MYOM1: variants seen among roughly 807,000 people sequenced by gnomAD.
The protein encoded by MYOM1 is myomesin 1.
In MYOM1, 164 loss-of-function variants were observed where a neutral mutation model predicts 205.3. The observed-to-expected ratio is 0.80, with a 90% CI of 0.70 to 0.91. The LOEUF (loss-of-function observed/expected upper bound fraction) is 0.91, where lower values mean the gene tolerates loss of function less well. MYOM1 is among the 40% of genes least tolerant of loss of function. The probability of loss-of-function intolerance (pLI) is 0.00; values close to 1 mark genes in which losing one functional copy is unlikely to be tolerated. For missense variants in MYOM1, 2,011 were observed against 2,127.3 expected (o/e 0.95, Z 1.08); for synonymous variants, 772 against 789.4 (o/e 0.98, Z 0.37).
intron 20 of MYOM1, among the ~76,000 whole-genome samples, chr18:3,117,896 C>T (rs1412731340): frequency 1.3e-5 from 2 of 152,124 alleles, no homozygotes; most frequent in Non-Finnish European, 1.5e-5. Context: ...AATATTAATA[C>T]CAAATACCTC....
intron 29 of MYOM1, among the ~76,000 whole-genome samples, chr18:3,087,341 G>A: frequency 6.6e-6 from 1 of 151,176 alleles, no homozygotes. Flanking sequence ...TTAAAGCCGT[G>A]GTGACTTCCT....
chr18:3,240,791 T>C, the MYOM1 span, among the ~76,000 whole-genome samples: 11 of 152,310 alleles, frequency 7.2e-5, no homozygotes, highest in East Asian at 1.7e-3. Context: ...TAGAGACTAG[T>C]TGAATGGCTT....
intron 11 of MYOM1, 76 bp downstream of exon 11, chr18:3,154,871 C>T (rs1012630988): frequency 6.7e-7 from 1 of 1,483,460 alleles, no homozygotes; most frequent in African/African-American, 1.4e-5. Flanking sequence ...AATATTTCCA[C>T]TAGAAATGAT....
intron 5 of MYOM1, among the ~76,000 whole-genome samples, chr18:3,185,182 T>G (rs1002015291): frequency 6.6e-5 from 10 of 152,268 alleles, no homozygotes; most frequent in African/African-American, 2.4e-4. Flanking sequence ...AGTTCAGCTC[T>G]GCTTTCGTGA....
At chr18:3,145,871 T>C (rs905492333) in intron 13 of MYOM1, among the ~76,000 whole-genome samples, 2 of 152,096 alleles carry the variant, frequency 1.3e-5, no homozygotes, top group Non-Finnish European at 2.9e-5. Flanking sequence ...ATAAAGTTGA[T>C]AAACTTCTAG....
At chr18:3,234,398 A>G in the MYOM1 span, among the ~76,000 whole-genome samples, 1 of 152,222 alleles carries the variant, frequency 6.6e-6, no homozygotes, top group Non-Finnish European at 1.5e-5. Flanking sequence ...GAATTGTGGG[A>G]GCTGTCCCAA....
At chr18:3,234,247 T>A in the MYOM1 span, among the ~76,000 whole-genome samples, 1 of 152,226 alleles carries the variant, frequency 6.6e-6, no homozygotes, top group African/African-American at 2.4e-5. Context: ...AACTTCTACT[T>A]AGCTAATGTA....
intron 22 of MYOM1, among the ~76,000 whole-genome samples, chr18:3,104,744 T>C (rs1219320779): frequency 3.1e-5 from 3 of 96,950 alleles, no homozygotes; most frequent in African/African-American, 8.1e-5. Context: ...GGAATTGGAA[T>C]CTTTTTTTTT....
At chr18:3,220,407 C>T (rs1036618423), upstream of MYOM1, among the ~76,000 whole-genome samples, 1 of 152,194 alleles carries the variant, frequency 6.6e-6, no homozygotes, top group Non-Finnish European at 1.5e-5. Context: ...ATGGGTTACA[C>T]GTGGTGGCGA....
chr18:3,070,114 CT>C (rs1431514783), intron 37 of MYOM1, among the ~76,000 whole-genome samples: 1 of 152,184 alleles, frequency 6.6e-6, no homozygotes, highest in Non-Finnish European at 1.5e-5. Context: ...ATCTCTACCC[CT>C]AGGACTGGTA....
At chr18:3,092,888 G>A (rs377367038) in intron 26 of MYOM1, among the ~76,000 whole-genome samples, 1 of 152,226 alleles carries the variant, frequency 6.6e-6, no homozygotes, top group East Asian at 1.9e-4. Flanking sequence ...CAACATGTAT[G>A]CACGCTTGAA....
chr18:3,168,826 A>T lies in MYOM1; in HGVS notation c.1330T>A (p.Tyr444Asn). The change falls in exon 9 of 38, where the codon TAC becomes AAC. Residue 444 changes from tyrosine (Y) to asparagine (N), a missense_variant. Tyr to Asn is a moderately radical substitution (Grantham distance 143). Transcript: ENST00000356443. ...CATTGTAAAGACTCACCGTTTCTGT[A>T]CCACTGGATCTCTGGCTGGAAATGT... ...IKHFQPEIQW[Y>N]RNGVPLSPSK... 1 of 1,613,970 alleles carries T rather than the reference A, an allele frequency of 6.2e-7. No homozygotes were observed. The highest frequency in any genetic ancestry group is 8.5e-7 in the Non-Finnish European group (1 of 1,179,870).
intron 20 of MYOM1, among the ~76,000 whole-genome samples, chr18:3,118,836 A>G (rs922641493): frequency 1.3e-5 from 2 of 152,070 alleles, no homozygotes; most frequent in Non-Finnish European, 2.9e-5. Flanking sequence ...GTCTCTCTCT[A>G]TTTGCTGAAG....
chr18:3,083,340 C>G (rs971560302), intron 33 of MYOM1, among the ~76,000 whole-genome samples: 1 of 151,688 alleles, frequency 6.6e-6, no homozygotes, highest in South Asian at 2.1e-4. Context: ...TTGAGAAGAA[C>G]AGAAAAATTT....
chr18:3,153,075 C>T (rs985200707), intron 11 of MYOM1, among the ~76,000 whole-genome samples: 8 of 152,138 alleles, frequency 5.3e-5, no homozygotes, highest in African/African-American at 1.9e-4. Context: ...TCAATCTACA[C>T]CTGTCTCCAG....
At chr18:3,168,350 G>A (rs536132953) in intron 9 of MYOM1, among the ~76,000 whole-genome samples, 4 of 151,820 alleles carry the variant, frequency 2.6e-5, no homozygotes, top group Admixed American at 1.3e-4. Context: ...GTGCAATGGC[G>A]CCATCTCCAC....
At chr18:3,096,446 A>G (rs2079305109) in intron 25 of MYOM1, among the ~76,000 whole-genome samples, 2 of 137,000 alleles carry the variant, frequency 1.5e-5, no homozygotes, top group Admixed American at 8.5e-5. Context: ...ACACCCTAGA[A>G]ACACCATTTT....
rs2078904462 is a variant in MYOM1 at position 3,067,184 on chromosome 18, C to T, written c.*78G>A. 1.4e-6 allele frequency: 2 copies of T among 1,418,850 alleles called. No individual in the cohort carries two copies. The highest frequency in any genetic ancestry group is 1.9e-6 in the Non-Finnish European group (2 of 1,053,036). The allele number at this position is 1,418,850 out of a possible 1,614,324, so 87.9% of individuals were successfully genotyped here. The stretch of plus-strand genomic sequence containing the variant: ...CCAGAAAATAATAGGGAGGAGAAAG[C>T]ATGAAGACGTCTCATCCTTAACCCA... On this transcript the variant is annotated 3_prime_UTR_variant, in exon 38 of 38. Transcript: ENST00000356443.
chr18:3,126,712 C>T lies in MYOM1; in HGVS notation c.2980G>A (p.Glu994Lys). The stretch of plus-strand genomic sequence containing the variant: ...AGTCACGTGCTTACCTTGTATGCCT[C>T]CTCACTGACAGCCTTGACATTGGCT... ...REANVKAVSE[E>K]AYKISNLKEN... Residue 994 changes from glutamate to lysine, a missense_variant, in exon 19 of 38, where the codon GAG becomes AAG. Physicochemically the swap from Glu to Lys is moderately conservative, Grantham distance 56. Transcript: ENST00000356443. 1 of 1,612,856 alleles carries T rather than the reference C, an allele frequency of 6.2e-7. No homozygotes were observed. The highest frequency in any genetic ancestry group is 8.5e-7 in the Non-Finnish European group (1 of 1,179,208).
Sources: gnomAD v4.1 joint callset for allele counts (sites outside exome capture counted in the v4.1 genomes callset) on GRCh38, gnomAD v4.1.1 for gene constraint, MANE v1.5 for transcripts, NCBI Gene and HGNC (gene_info 2026-07-23, HGNC 2026-07-21) for gene names.